The following KIRREL1 variants were observed in gnomAD, a reference collection of about 807,000 sequenced individuals.
KIRREL1 encodes kirre like nephrin family adhesion molecule 1, also known as kin of IRRE-like protein 1.
Under a neutral mutation model 83.3 loss-of-function variants are expected in KIRREL1, and 25 were observed. The observed-to-expected ratio is 0.30, with a 90% CI of 0.22 to 0.42. KIRREL1 has a LOEUF of 0.42. KIRREL1 is among the 10% of genes least tolerant of loss of function. The pLI is 1.00. For synonymous variants in KIRREL1, 388 were observed against 410.4 expected (o/e 0.95, Z 0.66); for missense variants, 812 against 1,032.3 (o/e 0.79, Z 2.92).
chr1:158,021,958 A>G (rs535983983), intron 1 of KIRREL1, among the ~76,000 whole-genome samples: 6 of 152,038 alleles, frequency 3.9e-5, no homozygotes, highest in African/African-American at 1.4e-4. Flanking sequence ...AAAGAGGTAA[A>G]TCTGGAGCAG....
intron 1 of KIRREL1, among the ~76,000 whole-genome samples, chr1:158,052,044 T>TCTAA (rs1660921423): frequency 6.6e-6 from 1 of 152,184 alleles, no homozygotes; most frequent in Non-Finnish European, 1.5e-5. Context: ...CTACCCTCCC[T>TCTAA]CTAACTACTG....
rs748294682 is a variant in KIRREL1 at position 158,096,956 on chromosome 1, A to T, written c.*1836A>T. On this transcript the variant is annotated 3_prime_UTR_variant, in exon 15 of 15. Coordinates refer to ENST00000359209, the MANE Select transcript of KIRREL1 (RefSeq NM_018240.7). ...CCACAGGCCATTACCACCCTTATGG[A>T]TGGGTCTGGGGGGCGACATTCCTGG... 2.6e-5 allele frequency: 12 copies of T among 456,598 alleles called. No homozygotes were observed. Among genetic ancestry groups the T allele is most frequent in the South Asian group, 1.9e-4 (12 of 64,566 alleles). 28.3% of individuals were successfully genotyped at this position (456,598 alleles called of 1,614,324 possible).
At chr1:158,058,817 A>G (rs1661135274) in intron 1 of KIRREL1, among the ~76,000 whole-genome samples, 1 of 152,038 alleles carries the variant, frequency 6.6e-6, no homozygotes, top group South Asian at 2.1e-4. Context: ...CCCATTCCTG[A>G]GCTGGGGGTC....
At chr1:158,038,331 AG>A (rs1319945624) in intron 1 of KIRREL1, among the ~76,000 whole-genome samples, 2 of 152,072 alleles carry the variant, frequency 1.3e-5, no homozygotes, top group African/African-American at 4.8e-5. Context: ...TCACAGCTGC[AG>A]GGGGTCAGTC....
At chr1:158,075,727 G>T (rs1468876921) in intron 1 of KIRREL1, among the ~76,000 whole-genome samples, 1 of 152,204 alleles carries the variant, frequency 6.6e-6, no homozygotes, top group African/African-American at 2.4e-5. Context: ...GGATGCAGGG[G>T]CTCAGGTTCT....
chr1:158,000,331 A>G (rs1571524404), intron 1 of KIRREL1, among the ~76,000 whole-genome samples: 1 of 152,056 alleles, frequency 6.6e-6, no homozygotes, highest in African/African-American at 2.4e-5. Context: ...TTTGTGAGTC[A>G]TTTTTCTTCC....
intron 1 of KIRREL1, among the ~76,000 whole-genome samples, chr1:158,054,086 G>A (rs1385561884): frequency 6.6e-6 from 1 of 151,448 alleles, no homozygotes; most frequent in African/African-American, 2.4e-5. Context: ...GGTGGTGTGT[G>A]CCTGTAATCC....
At chr1:158,054,384 T>C (rs1660993496) in intron 1 of KIRREL1, among the ~76,000 whole-genome samples, 1 of 152,012 alleles carries the variant, frequency 6.6e-6, no homozygotes, top group African/African-American at 2.4e-5. Flanking sequence ...CTGTGGATAT[T>C]TATGGAACCA....
At chr1:158,068,868 G>C (rs1661429492) in intron 1 of KIRREL1, among the ~76,000 whole-genome samples, 2 of 152,196 alleles carry the variant, frequency 1.3e-5, no homozygotes, top group Non-Finnish European at 2.9e-5. Context: ...GGGAGGGAGA[G>C]TGGAGTGTGG....
chr1:158,060,002 G>A (rs1283002087), intron 1 of KIRREL1, among the ~76,000 whole-genome samples: 2 of 152,126 alleles, frequency 1.3e-5, no homozygotes, highest in Non-Finnish European at 2.9e-5. Context: ...ACAGGTTGGT[G>A]TGAGGTTTCT....
At chr1:158,002,590 G>A (rs1659395062) in intron 1 of KIRREL1, among the ~76,000 whole-genome samples, 1 of 152,232 alleles carries the variant, frequency 6.6e-6, no homozygotes, top group Non-Finnish European at 1.5e-5. Flanking sequence ...GAATGAAAAG[G>A]TAGGTAAGAT....
chr1:158,022,742 G>A (rs750885351), intron 1 of KIRREL1, among the ~76,000 whole-genome samples: 4 of 152,116 alleles, frequency 2.6e-5, no homozygotes, highest in South Asian at 4.1e-4. Flanking sequence ...TCGGAAGGGC[G>A]GGAGAGAGGG....
chr1:158,057,741 G>A lies in KIRREL1; in HGVS notation c.53-18372G>A, dbSNP rs183565129. 1.3e-3 allele frequency among the ~76,000 whole-genome samples: 195 copies of A among 152,308 alleles called. 1 individual carries two copies. The highest frequency in any genetic ancestry group is 4.6e-3 in the African/African-American group (190 of 41,560). ...TTTGCAGCAGTTGGTCCCCTGAAAAGTATATGGAAATTCTGCTTTTGTAGG... is the reference window on the plus strand; with the variant it reads ...TTTGCAGCAGTTGGTCCCCTGAAAAATATATGGAAATTCTGCTTTTGTAGG... On this transcript the variant is annotated intron_variant, in intron 1 of 14. Coordinates refer to ENST00000359209, the MANE Select transcript of KIRREL1 (RefSeq NM_018240.7).
At chr1:158,078,172 G>A in intron 3 of KIRREL1, 32 bp downstream of exon 3, 1 of 1,604,288 alleles carries the variant, frequency 6.2e-7, no homozygotes. Flanking sequence ...AGTACTTCGA[G>A]GCCCTGTCTC....
chr1:158,009,287 T>C (rs551825594), intron 1 of KIRREL1, among the ~76,000 whole-genome samples: 40 of 152,322 alleles, frequency 2.6e-4, no homozygotes, highest in African/African-American at 9.4e-4. Flanking sequence ...TGCCTGGTTT[T>C]TAGAATTAAA....
rs1662294293 is a variant in KIRREL1 at position 158,094,399 on chromosome 1, G to C, written c.1797+9G>C. 5 of 1,611,938 alleles carry C rather than the reference G, an allele frequency of 3.1e-6. No individual in the cohort carries two copies. Among genetic ancestry groups the C allele is most frequent in the African/African-American group, 2.7e-5 (2 of 74,922 alleles). The stretch of plus-strand genomic sequence containing the variant: ...AGGAGTATGAGATGAAGGTGGGAAA[G>C]GGGGAAGGGGCCAGGGCATGAGGGC... On this transcript the variant is annotated intron_variant, in intron 14 of 14. Coordinates refer to ENST00000359209, the MANE Select transcript of KIRREL1 (RefSeq NM_018240.7). The surrounding 1 kb of genome is among the most constrained non-coding windows in gnomAD (Gnocchi z 4.6).
chr1:158,016,951 T>A (rs2101646319), intron 1 of KIRREL1, among the ~76,000 whole-genome samples: 1 of 152,356 alleles, frequency 6.6e-6, no homozygotes, highest in African/African-American at 2.4e-5. Flanking sequence ...TCTTTGTCTC[T>A]TATTTGCTCA....
At chr1:158,055,542 G>A (rs184111235) in intron 1 of KIRREL1, among the ~76,000 whole-genome samples, 214 of 152,292 alleles carry the variant, frequency 1.4e-3, no homozygotes, top group African/African-American at 4.7e-3. Flanking sequence ...CCTGTGCCCT[G>A]GCCGATGTCC....
chr1:158,035,297 G>C (rs557435713), intron 1 of KIRREL1, among the ~76,000 whole-genome samples: 1 of 152,208 alleles, frequency 6.6e-6, no homozygotes, highest in Non-Finnish European at 1.5e-5. Flanking sequence ...GAGAAGTGAG[G>C]TCCAGATGCT....
Sources: gnomAD v4.1 joint callset for allele counts (sites outside exome capture counted in the v4.1 genomes callset) on GRCh38, gnomAD v4.1.1 for gene constraint, Gnocchi (gnomAD v3.1) non-coding constraint, MANE v1.5 for transcripts, NCBI Gene and HGNC (gene_info 2026-07-23, HGNC 2026-07-21) for gene names.